TP63: variants seen among roughly 807,000 people sequenced by gnomAD.
TP63 encodes the protein tumor protein 63.
In TP63, 17 loss-of-function variants were observed where a neutral mutation model predicts 82.8. The observed-to-expected ratio is 0.21, with a 90% CI of 0.14 to 0.31. The LOEUF is 0.31. Ranked by LOEUF, TP63 falls within the 10% of genes least tolerant of loss-of-function variation. The probability of loss-of-function intolerance (pLI) is 1.00; values close to 1 mark genes in which losing one functional copy is unlikely to be tolerated. For missense variants in TP63, 648 were observed against 895.3 expected (o/e 0.72, Z 3.52); for synonymous variants, 330 against 321.7 (o/e 1.03, Z -0.28).
intron 1 of TP63, among the ~76,000 whole-genome samples, chr3:189,723,707 A>G (rs375890846): frequency 5.3e-5 from 8 of 152,212 alleles, no homozygotes; most frequent in African/African-American, 1.9e-4. Context: ...GAGAGGAACA[A>G]AATGTGCCCT....
chr3:189,860,823 A>G (rs1272417126), intron 4 of TP63, among the ~76,000 whole-genome samples: 1 of 152,132 alleles, frequency 6.6e-6, no homozygotes, highest in Non-Finnish European at 1.5e-5. Flanking sequence ...TTGTTGTTGT[A>G]GTTGTTGTTG....
chr3:189,811,899 TA>T (rs1262616079), intron 4 of TP63, among the ~76,000 whole-genome samples: 2 of 152,210 alleles, frequency 1.3e-5, no homozygotes, highest in Non-Finnish European at 2.9e-5. Flanking sequence ...GCTTGCCTCT[TA>T]TGTCCCAGAG....
chr3:189,815,852 A>G (rs1297871301), intron 4 of TP63, among the ~76,000 whole-genome samples: 1 of 152,216 alleles, frequency 6.6e-6, no homozygotes, highest in Non-Finnish European at 1.5e-5. Flanking sequence ...AAAGTCATAT[A>G]GATTAATCTC....
intron 10 of TP63, among the ~76,000 whole-genome samples, chr3:189,875,589 C>CATATATATATATATAT (rs779050433): frequency 1.6e-4 from 7 of 44,416 alleles, no homozygotes; most frequent in Admixed American, 2.7e-4. Context: ...AAAAAAAATA[C>CATATATATATATATAT]ATACATATAT....
intron 1 of TP63, among the ~76,000 whole-genome samples, chr3:189,689,606 A>G (rs1399918038): frequency 6.6e-6 from 1 of 152,148 alleles, no homozygotes; most frequent in East Asian, 1.9e-4. Context: ...AATTGTGTGC[A>G]AATATGTTCA....
intron 4 of TP63, among the ~76,000 whole-genome samples, chr3:189,822,760 C>A (rs950981720): frequency 6.6e-6 from 1 of 152,170 alleles, no homozygotes; most frequent in Non-Finnish European, 1.5e-5. Context: ...TAACGCTCTT[C>A]ATCAGTTGTA....
chr3:189,871,189 G>A (rs1718376313), intron 9 of TP63, among the ~76,000 whole-genome samples: 1 of 152,056 alleles, frequency 6.6e-6, no homozygotes, highest in Admixed American at 6.5e-5. Flanking sequence ...GTTGAGAGAA[G>A]ACTTAGCCTA....
intron 3 of TP63, among the ~76,000 whole-genome samples, chr3:189,749,151 C>CAA (rs111879620): frequency 6.8e-5 from 10 of 148,092 alleles, no homozygotes; most frequent in Admixed American, 6.1e-4. Context: ...AAAGAACAGA[C>CAA]AAAAAAAAAT....
chr3:189,891,970 C>T (rs1318110586), intron 13 of TP63, among the ~76,000 whole-genome samples: 1 of 152,132 alleles, frequency 6.6e-6, no homozygotes, highest in Non-Finnish European at 1.5e-5. Flanking sequence ...CATGAGGTGA[C>T]GTGTACATAG....
At chr3:189,748,712 GC>G (rs1721573352) in intron 3 of TP63, among the ~76,000 whole-genome samples, 1 of 151,494 alleles carries the variant, frequency 6.6e-6, no homozygotes. Context: ...ATAAAAAAGA[GC>G]CCAAATATCC....
In TP63 at chr3:189,723,555, C is replaced by G. The variant is rs1719549663; in HGVS notation, c.63-14185C>G. Among the ~76,000 whole-genome samples the G allele has an allele frequency of 1.3e-5, 2 of 152,192 alleles. 1 individual carries two copies. The highest frequency in any genetic ancestry group is 2.9e-5 in the Non-Finnish European group (2 of 68,006). ...TATTCAACAAACATTTGTTTGACAC[C>G]CCCTCTGTGCCATATACTGTGCTAA... is the stretch of plus-strand genomic sequence containing the variant. On this transcript the variant is annotated intron_variant, in intron 1 of 13. Transcript: ENST00000264731.
the TP63 span, among the ~76,000 whole-genome samples, chr3:189,612,350 A>C: frequency 1.3e-5 from 2 of 151,970 alleles, no homozygotes; most frequent in Non-Finnish European, 2.9e-5. Flanking sequence ...AGTTTCATAA[A>C]ATCTGATGGC....
intron 4 of TP63, among the ~76,000 whole-genome samples, chr3:189,850,271 G>A (rs2108763724): frequency 6.6e-6 from 1 of 152,084 alleles, no homozygotes; most frequent in South Asian, 2.1e-4. Context: ...AACAGAGTGA[G>A]ACTCCATCCC....
At chr3:189,781,617 A>G (rs1201007697) in intron 3 of TP63, among the ~76,000 whole-genome samples, 3 of 151,290 alleles carry the variant, frequency 2.0e-5, no homozygotes, top group Non-Finnish European at 2.9e-5. Flanking sequence ...TTTTTCCTGG[A>G]AAGGGTGGAG....
At chr3:189,654,241 T>C (rs1713131436) in intron 1 of TP63, among the ~76,000 whole-genome samples, 1 of 151,726 alleles carries the variant, frequency 6.6e-6, no homozygotes, top group African/African-American at 2.4e-5. Context: ...ACCAAGCCTT[T>C]TGTAAAAAAA....
intron 1 of TP63, among the ~76,000 whole-genome samples, chr3:189,672,611 TAGAA>T (rs532177898): frequency 1.0e-4 from 7 of 68,160 alleles, no homozygotes; most frequent in Non-Finnish European, 1.7e-4. Context: ...CAAATAAAGA[TAGAA>T]AGAAAAAAGG....
At chr3:189,777,429 T>C (rs905408388) in intron 3 of TP63, among the ~76,000 whole-genome samples, 3 of 152,166 alleles carry the variant, frequency 2.0e-5, no homozygotes, top group African/African-American at 7.2e-5. Context: ...ACTCCTGACC[T>C]CAGGTGATCC....
At chr3:189,806,243 G>T (rs1463692685) in intron 3 of TP63, among the ~76,000 whole-genome samples, 1 of 151,884 alleles carries the variant, frequency 6.6e-6, no homozygotes, top group African/African-American at 2.4e-5. Context: ...AGTTAGCTGG[G>T]GTTCCTTCTG....
chr3:189,652,718 G>A (rs1048502950), intron 1 of TP63, among the ~76,000 whole-genome samples: 4 of 146,830 alleles, frequency 2.7e-5, no homozygotes, highest in Admixed American at 6.7e-5. Flanking sequence ...TAATCCCCAC[G>A]TGTCATGGGA....
Sources: allele counts gnomAD v4.1 joint callset (sites outside exome capture counted in the v4.1 genomes callset), GRCh38; gene constraint gnomAD v4.1.1; transcripts MANE v1.5; gene names NCBI Gene and HGNC (gene_info 2026-07-23, HGNC 2026-07-21).